The following RIPK4 variants were observed in gnomAD, a reference collection of about 807,000 sequenced individuals.
RIPK4 encodes receptor-interacting serine/threonine-protein kinase 4.
Under a neutral mutation model 42.9 loss-of-function variants are expected in RIPK4, and 17 were observed. The observed-to-expected ratio is 0.40, with a 90% CI of 0.27 to 0.59. The LOEUF is 0.59. Among genes scored for constraint, RIPK4 ranks in the 20% least tolerant of loss-of-function variants. The probability of loss-of-function intolerance (pLI) is 0.47; values close to 1 mark genes in which losing one functional copy is unlikely to be tolerated. For missense variants in RIPK4, 897 were observed against 1,104.4 expected, an observed-to-expected ratio of 0.81 and a Z score of 2.66; for synonymous variants, 498 against 499.1, an observed-to-expected ratio of 1.00 and a Z score of 0.03.
chr21:41,766,338 A>C (rs1338269551), intron 1 of RIPK4, among the ~76,000 whole-genome samples: 1 of 152,184 alleles, frequency 6.6e-6, no homozygotes, highest in Non-Finnish European at 1.5e-5. Flanking sequence ...TTGTGTTCCA[A>C]CGTAAATTAC....
Position 41,744,508 on chromosome 21 carries a change from G to A in RIPK4, c.937-368C>T, listed in dbSNP as rs533294152. On this transcript the variant is annotated intron_variant, in intron 6 of 7. Coordinates refer to ENST00000332512, the MANE Select transcript of RIPK4 (RefSeq NM_020639.3). ...GACTTGCGCTGGCCCCACCCAGCAC[G>A]GAGACATCTTAAGGAAAGATAGCCT... Among the ~76,000 whole-genome samples, 20 of 152,310 alleles carry A rather than the reference G, an allele frequency of 1.3e-4. No homozygotes were observed. The East Asian group carries it at 2.1e-3, about 16-fold the overall frequency.
At chr21:41,763,065 G>A (rs1356161011) in intron 1 of RIPK4, among the ~76,000 whole-genome samples, 2 of 152,180 alleles carry the variant, frequency 1.3e-5, no homozygotes, top group African/African-American at 4.8e-5. Context: ...GCTGGTGAAA[G>A]CGTTGCTAAT....
intron 5 of RIPK4, 44 bp downstream of exon 5, chr21:41,746,569 T>G: frequency 6.2e-7 from 1 of 1,602,584 alleles, no homozygotes; most frequent in Admixed American, 1.7e-5. Flanking sequence ...CTCTGTCTCC[T>G]GTGACACCCA....
intron 1 of RIPK4, 21 bp downstream of exon 1, chr21:41,766,839 C>A (rs868451065): frequency 6.3e-7 from 1 of 1,597,086 alleles, no homozygotes; most frequent in Non-Finnish European, 8.5e-7. Flanking sequence ...GCCGCCCCAG[C>A]GCCCCGCCCG....
chr21:41,749,060 G>A, intron 4 of RIPK4, 94 bp downstream of exon 4: 1 of 1,328,718 alleles, frequency 7.5e-7, no homozygotes, highest in Non-Finnish European at 1.1e-6. Flanking sequence ...GTGGATCACA[G>A]GCTCTGTTTT....
chr21:41,764,788 A>G lies in RIPK4; in HGVS notation c.182+2072T>C, dbSNP rs541386899. Among the ~76,000 whole-genome samples the G allele has an allele frequency of 2.3e-3, 351 of 152,356 alleles. 1 individual carries two copies. Among genetic ancestry groups the G allele is most frequent in the Middle Eastern group, 6.8e-3 (2 of 294 alleles). Reference sequence around the variant, plus strand: ...AAAGGAATCAGCTTCACAAAGAGCCAGGGTTTGACCAACTTCTCAGAAAGA... The same window carrying G: ...AAAGGAATCAGCTTCACAAAGAGCCGGGGTTTGACCAACTTCTCAGAAAGA... On this transcript the variant is annotated intron_variant, in intron 1 of 7. Coordinates refer to ENST00000332512, the MANE Select transcript of RIPK4 (RefSeq NM_020639.3).
intron 2 of RIPK4, among the ~76,000 whole-genome samples, chr21:41,753,797 A>G (rs1056016861): frequency 6.6e-6 from 1 of 152,238 alleles, no homozygotes; most frequent in African/African-American, 2.4e-5. Context: ...GACACAGCAG[A>G]ACGTGACCCG....
In RIPK4 at chr21:41,751,379, T is replaced by A; in HGVS notation, c.475-134A>T. The A allele has an allele frequency of 8.2e-7, 1 of 1,221,030 alleles. No homozygotes were observed. Among genetic ancestry groups the A allele is most frequent in the Non-Finnish European group, 1.1e-6 (1 of 891,480 alleles). 75.6% of individuals were successfully genotyped at this position (1,221,030 alleles called of 1,614,324 possible). ...CAGGAGCCCCTAAGAGCCGTGTCTG[T>A]GCCTCTCCAGGTAGCCCTGCCCCAG... On this transcript the variant is annotated intron_variant, in intron 2 of 7. Coordinates refer to ENST00000332512, the MANE Select transcript of RIPK4 (RefSeq NM_020639.3). This position sits in a 1 kb window ranked among gnomAD's most constrained non-coding sequence, Gnocchi z 4.5.
At chr21:41,765,748 G>T (rs1348250147) in intron 1 of RIPK4, among the ~76,000 whole-genome samples, 2 of 152,198 alleles carry the variant, frequency 1.3e-5, no homozygotes, top group Non-Finnish European at 2.9e-5. Flanking sequence ...TGTGTTCAAG[G>T]AATCTCTAGG....
rs568202080 is a variant in RIPK4 at position 41,762,678 on chromosome 21, A to G, written c.182+4182T>C. Among the ~76,000 whole-genome samples the G allele has an allele frequency of 4.0e-5, 6 of 150,414 alleles. No individual in the cohort carries two copies. The South Asian group carries it at 1.2e-3, about 31-fold the overall frequency. On this transcript the variant is annotated intron_variant, in intron 1 of 7. Coordinates refer to ENST00000332512, the MANE Select transcript of RIPK4 (RefSeq NM_020639.3). ...CCACCAATTGCTTTTGAGCAATGGC[A>G]CTATTTTTTTTAATACATTTTTTTC...
intron 3 of RIPK4, among the ~76,000 whole-genome samples, chr21:41,749,535 G>A (rs1387887397): frequency 4.6e-5 from 7 of 152,166 alleles, no homozygotes; most frequent in Non-Finnish European, 7.3e-5. Context: ...ATATCTTCTC[G>A]CAAGCACCAG....
rs142250137 is a variant in RIPK4, at chr21:41,742,509, G to C, written c.1196-512C>G. Reference sequence around the variant, plus strand: ...CCTCCTGACCTGGGGAGGTTAAGTCGGAAGTTTTCTATGATAATCCTGAAG... The same window carrying C: ...CCTCCTGACCTGGGGAGGTTAAGTCCGAAGTTTTCTATGATAATCCTGAAG... On this transcript the variant is annotated intron_variant, in intron 7 of 7. Transcript: ENST00000332512. This position sits in a 1 kb window ranked among gnomAD's most constrained non-coding sequence, Gnocchi z 5.1. Among the ~76,000 whole-genome samples the C allele has an allele frequency of 8.5e-5, 13 of 152,124 alleles. No individual in the cohort carries two copies. The highest frequency in any genetic ancestry group is 1.9e-4 in the Non-Finnish European group (13 of 68,026).
In RIPK4 at chr21:41,756,460, TAC is replaced by T. The variant is rs984519162; in HGVS notation, c.474+63_474+64del. On this transcript the variant is annotated intron_variant, in intron 2 of 7. Transcript: ENST00000332512. ...CTGACCTCAGGGCTTGACCCCTTGA[TAC>T]CCTGCTCCCCAAGACACAGGCCCTC... The T allele has an allele frequency of 1.9e-6, 3 of 1,559,032 alleles. No individual in the cohort carries two copies. The African/African-American group carries it at 4.0e-5, about 21-fold the overall frequency.
At chr21:41,758,043 G>C (rs4919916) in intron 1 of RIPK4, among the ~76,000 whole-genome samples, 20 of 53,010 alleles carry the variant, frequency 3.8e-4, no homozygotes, top group African/African-American at 1.9e-3. Context: ...TATATATATA[G>C]AGAGAGAGAG....
chr21:41,765,146 T>G (rs1408275950), intron 1 of RIPK4, among the ~76,000 whole-genome samples: 1 of 152,130 alleles, frequency 6.6e-6, no homozygotes, highest in East Asian at 1.9e-4. Flanking sequence ...GCTTGTTTAC[T>G]TTGCTCTTCC....
At chr21:41,745,951 G>C (rs1368204973) in intron 5 of RIPK4, 89 bp from the exon 6 acceptor site, 2 of 1,105,418 alleles carry the variant, frequency 1.8e-6, no homozygotes, top group Non-Finnish European at 2.8e-6. Context: ...CCACGAGCTG[G>C]GGGATTTCTC....
intron 2 of RIPK4, among the ~76,000 whole-genome samples, chr21:41,754,557 G>C (rs2061197455): frequency 6.6e-6 from 1 of 152,186 alleles, no homozygotes; most frequent in Non-Finnish European, 1.5e-5. Flanking sequence ...GCCCCCTGCA[G>C]CTGTCCTGAA....
chr21:41,766,463 C>G (rs1437867231), intron 1 of RIPK4, among the ~76,000 whole-genome samples: 3 of 152,190 alleles, frequency 2.0e-5, no homozygotes, highest in African/African-American at 7.2e-5. Flanking sequence ...GGGCCGGACG[C>G]GCCTCCCAAG....
chr21:41,740,804 C>T lies in RIPK4; in HGVS notation c.*34G>A. 5.8e-6 allele frequency: 9 copies of T among 1,557,736 alleles called. No homozygotes were observed. Among genetic ancestry groups the T allele is most frequent in the Non-Finnish European group, 6.9e-6 (8 of 1,154,782 alleles). The stretch of plus-strand genomic sequence containing the variant: ...GAGGAACACAGGACAGGACAAGAGC[C>T]CCACGTGGACCCCCGGTCTCCGCAG... On this transcript the variant is annotated 3_prime_UTR_variant, in exon 8 of 8. Transcript: ENST00000332512.
Sources: allele counts gnomAD v4.1 joint callset (sites outside exome capture counted in the v4.1 genomes callset), GRCh38; gene constraint gnomAD v4.1.1; non-coding constraint Gnocchi (gnomAD v3.1); transcripts MANE v1.5; gene names NCBI Gene and HGNC (gene_info 2026-07-23, HGNC 2026-07-21).